The following UNC80 variants were observed in gnomAD, a reference collection of about 807,000 sequenced individuals.
UNC80 encodes the protein protein unc-80 homolog.
UNC80 carries 164 observed loss-of-function variants against 384.6 expected under a neutral mutation model. The observed-to-expected ratio is 0.43, with a 90% CI of 0.38 to 0.49. The LOEUF (loss-of-function observed/expected upper bound fraction) is 0.49, where lower values mean the gene tolerates loss of function less well. Among genes scored for constraint, UNC80 ranks in the 20% least tolerant of loss-of-function variants. The pLI, the probability that UNC80 is intolerant of heterozygous loss-of-function variation, is 0.00. For missense variants in UNC80, 3,330 were observed against 4,143.0 expected (o/e 0.80, Z 5.39); for synonymous variants, 1,486 against 1,527.8 (o/e 0.97, Z 0.64).
intron 23 of UNC80, among the ~76,000 whole-genome samples, chr2:209,873,715 T>C (rs2084515362): frequency 6.6e-6 from 1 of 152,206 alleles, no homozygotes; most frequent in Non-Finnish European, 1.5e-5. Flanking sequence ...ATTCCTCTTT[T>C]CTTAAAGATT....
intron 2 of UNC80, among the ~76,000 whole-genome samples, 182 bp downstream of exon 2, chr2:209,773,324 A>G (rs903890208): frequency 6.6e-6 from 1 of 152,282 alleles, no homozygotes; most frequent in Admixed American, 6.5e-5. Flanking sequence ...AAACAAATAC[A>G]GTGTTTACAT....
At chr2:209,831,615 A>G (rs372609719) in intron 16 of UNC80, 24 bp downstream of exon 16, 1 of 1,509,022 alleles carries the variant, frequency 6.6e-7, no homozygotes, top group African/African-American at 1.4e-5. Flanking sequence ...CTCTCTTCCC[A>G]CAGGAGCTCT....
At chr2:209,932,267 C>G (rs1382561323) in intron 38 of UNC80, among the ~76,000 whole-genome samples, 1 of 152,166 alleles carries the variant, frequency 6.6e-6, no homozygotes, top group Non-Finnish European at 1.5e-5. Flanking sequence ...GCATCCTGCT[C>G]AGTGACAACA....
chr2:209,781,785 C>T (rs2077166023), intron 4 of UNC80, among the ~76,000 whole-genome samples: 1 of 152,170 alleles, frequency 6.6e-6, no homozygotes, highest in Non-Finnish European at 1.5e-5. Flanking sequence ...ATTTCAAATC[C>T]AGGCTCCTAT....
chr2:209,886,073 T>A (rs1353012955), intron 25 of UNC80, among the ~76,000 whole-genome samples: 1 of 152,084 alleles, frequency 6.6e-6, no homozygotes, highest in Non-Finnish European at 1.5e-5. Context: ...TAAAATTTTA[T>A]CTTATTGATG....
intron 22 of UNC80, among the ~76,000 whole-genome samples, chr2:209,869,798 C>T (rs996090605): frequency 1.3e-5 from 2 of 152,058 alleles, no homozygotes; most frequent in African/African-American, 4.8e-5. Flanking sequence ...ATATTGATCT[C>T]AATTGCATTT....
intron 22 of UNC80, among the ~76,000 whole-genome samples, chr2:209,853,581 A>T (rs1171492074): frequency 1.3e-5 from 2 of 152,094 alleles, no homozygotes; most frequent in African/African-American, 2.4e-5. Flanking sequence ...TTTAAAAGAC[A>T]TATTTTAGAA....
At chr2:209,907,114 AT>A (rs1192925928) in intron 29 of UNC80, among the ~76,000 whole-genome samples, 1 of 152,078 alleles carries the variant, frequency 6.6e-6, no homozygotes, top group Non-Finnish European at 1.5e-5. Flanking sequence ...ACTAAATGTT[AT>A]TTTCCTTACT....
chr2:209,824,693 A>G (rs986941521), intron 13 of UNC80, among the ~76,000 whole-genome samples: 5 of 151,948 alleles, frequency 3.3e-5, no homozygotes, highest in African/African-American at 9.7e-5. Flanking sequence ...GTTCAGCACC[A>G]CCTCCACTAC....
At position 209,833,999 on chromosome 2, in the gene UNC80, C is replaced by T. The variant is rs1355480465; in HGVS notation, c.2776-3C>T. The T allele has an allele frequency of 6.5e-7, 1 of 1,550,256 alleles. No individual in the cohort carries two copies. The highest frequency in any genetic ancestry group is 1.4e-5 in the African/African-American group (1 of 73,000). On this transcript the variant is annotated splice_region_variant and splice_polypyrimidine_tract_variant and intron_variant, in intron 16 of 64. Coordinates refer to ENST00000673920, the MANE Select transcript of UNC80 (RefSeq NM_001371986.1). The stretch of plus-strand genomic sequence containing the variant: ...CTCCAACTTCCTTCTTGCCTCCAAA[C>T]AGGGACTGTATTGTGACATTCGTCA...
In UNC80 at chr2:209,897,439, C is replaced by T. The variant is rs557575988; in HGVS notation, c.4581+1026C>T. On this transcript the variant is annotated intron_variant, in intron 28 of 64. Transcript: ENST00000673920. ...GTAATTGGCATCATATACTACTACT[C>T]TGTTGTGTCTGGTTCCTTTTCCTCA... Among the ~76,000 whole-genome samples the T allele has an allele frequency of 2.6e-5, 4 of 152,276 alleles. No homozygotes were observed. The South Asian group carries it at 6.2e-4, about 24-fold the overall frequency.
chr2:209,981,198 C>T (rs1000454532), intron 59 of UNC80, among the ~76,000 whole-genome samples: 16 of 152,222 alleles, frequency 1.1e-4, no homozygotes, highest in African/African-American at 3.9e-4. Flanking sequence ...TGTTCATCAA[C>T]AAACAACATT....
intron 23 of UNC80, among the ~76,000 whole-genome samples, chr2:209,876,331 T>G (rs2084782487): frequency 6.6e-6 from 1 of 152,168 alleles, no homozygotes; most frequent in South Asian, 2.1e-4. Context: ...CTATAACAAC[T>G]TACTCAACTT....
At chr2:209,909,941 T>A (rs1014014746) in intron 29 of UNC80, among the ~76,000 whole-genome samples, 1 of 151,772 alleles carries the variant, frequency 6.6e-6, no homozygotes, top group Non-Finnish European at 1.5e-5. Context: ...AATCACTAAT[T>A]TATCAATACC....
chr2:209,772,799 G>A (rs772976253), intron 1 of UNC80, among the ~76,000 whole-genome samples: 19 of 152,090 alleles, frequency 1.2e-4, no homozygotes, highest in Non-Finnish European at 2.1e-4. Context: ...TATTATGACT[G>A]TACACGTAAG....
At chr2:209,875,751 C>T (rs902873496) in intron 23 of UNC80, among the ~76,000 whole-genome samples, 3 of 152,150 alleles carry the variant, frequency 2.0e-5, no homozygotes, top group Admixed American at 1.3e-4. Flanking sequence ...ACCGTCCCCT[C>T]GAATGTCTGC....
chr2:209,879,273 G>A (rs1395401588), intron 24 of UNC80, among the ~76,000 whole-genome samples: 9 of 152,112 alleles, frequency 5.9e-5, no homozygotes, highest in African/African-American at 1.9e-4. Context: ...CTAGCCAGAA[G>A]GCATTCTAAG....
At chr2:209,799,749 T>A (rs6741478) in intron 7 of UNC80, among the ~76,000 whole-genome samples, 1 of 151,970 alleles carries the variant, frequency 6.6e-6, no homozygotes, top group Non-Finnish European at 1.5e-5. Context: ...TGTTCCATCA[T>A]TACCTAGGTA....
intron 14 of UNC80, among the ~76,000 whole-genome samples, chr2:209,828,472 A>G (rs2080709320): frequency 6.6e-6 from 1 of 152,070 alleles, no homozygotes; most frequent in Non-Finnish European, 1.5e-5. Flanking sequence ...CAAGAAGCCT[A>G]TTGCTAATTC....
Sources: gnomAD v4.1 joint callset for allele counts (sites outside exome capture counted in the v4.1 genomes callset) on GRCh38, gnomAD v4.1.1 for gene constraint, MANE v1.5 for transcripts, NCBI Gene and HGNC (gene_info 2026-07-23, HGNC 2026-07-21) for gene names.